The following FSIP2 variants were observed in gnomAD, a reference collection of about 807,000 sequenced individuals.
FSIP2 encodes fibrous sheath interacting protein 2.
A neutral mutation model predicts 510.5 loss-of-function variants in FSIP2; 367 were observed. That is an observed-to-expected ratio of 0.72 (90% CI 0.66 to 0.78). The LOEUF is 0.78. Ranked by LOEUF, FSIP2 falls within the 30% of genes least tolerant of loss-of-function variation. The pLI, the probability that FSIP2 is intolerant of heterozygous loss-of-function variation, is 0.00. For missense variants in FSIP2, 7,594 were observed against 7,901.7 expected (o/e 0.96, Z 1.48); for synonymous variants, 2,601 against 2,732.2 (o/e 0.95, Z 1.50).
In FSIP2 at chr2:185,806,331, A is replaced by G. The variant is rs750301521; in HGVS notation, c.17025A>G (p.Glu5675=). 1 of 1,609,962 alleles carries G rather than the reference A, an allele frequency of 6.2e-7. No homozygotes were observed. The highest frequency in any genetic ancestry group is 2.2e-5 in the East Asian group (1 of 44,682). Residue 5675 remains glutamate, a synonymous_variant, in exon 17 of 23, where the codon GAA becomes GAG. Coordinates refer to ENST00000424728, the MANE Select transcript of FSIP2 (RefSeq NM_173651.4). The stretch of plus-strand genomic sequence containing the variant: ...ATGAGGAACACCACTCAGATTATGA[A>G]CATGTTCAAAATGTCATTGAAAATA... ...CRDEEHHSDY[E]HVQNVIENIF...
chr2:185,794,122 C>T lies in FSIP2; in HGVS notation c.6986C>T (p.Thr2329Ile), dbSNP rs902476045. The T allele has an allele frequency of 5.2e-6, 8 of 1,532,108 alleles. No homozygotes were observed. The Admixed American group carries it at 9.9e-5, about 19-fold the overall frequency. The allele number at this position is 1,532,108 out of a possible 1,614,324, so 94.9% of individuals were successfully genotyped here. A position where few individuals can be genotyped will look rare whatever the true frequency, so the allele number is the denominator to read the frequency against. Reference protein sequence around the residue: ...TILSQELTDFTFVGRREKLGS... With the variant: ...TILSQELTDFIFVGRREKLGS... ...CTCAGCCAAGAGCTTACAGATTTCA[C>T]TTTTGTTGGTCGCAGAGAAAAACTT... is the stretch of plus-strand genomic sequence containing the variant. Residue 2329 changes from threonine (T) to isoleucine (I), a missense_variant, in exon 16 of 23, where the codon ACT becomes ATT. By Grantham distance (89) the Thr-to-Ile change is moderately conservative. Coordinates refer to ENST00000424728, the MANE Select transcript of FSIP2 (RefSeq NM_173651.4).
At position 185,793,468 on chromosome 2, in the gene FSIP2, T is replaced by G. The variant is rs1488535265; in HGVS notation, c.6332T>G (p.Leu2111Arg). Residue 2111 changes from leucine (L) to arginine (R), a missense_variant, in exon 16 of 23, where the codon CTC becomes CGC. Leu to Arg is a moderately radical substitution (Grantham distance 102). Coordinates refer to ENST00000424728, the MANE Select transcript of FSIP2 (RefSeq NM_173651.4). ...IYEKTLFQNN[L>R]SFATPTLKCS... ...GAAAAAACCCTGTTTCAGAATAATC[T>G]CTCATTTGCCACACCCACTCTGAAA... 2 of 1,534,440 alleles carry G rather than the reference T, an allele frequency of 1.3e-6. No homozygotes were observed. Among genetic ancestry groups the G allele is most frequent in the South Asian group, 1.2e-5 (1 of 84,026 alleles).
rs373794713 is a variant in FSIP2 at position 185,776,801 on chromosome 2, C to T, written c.1412-5904C>T. On this transcript the variant is annotated intron_variant, in intron 13 of 22. Transcript: ENST00000424728. ...CAGGCTGGAGTTGCAATGGTGTGAT[C>T]TCGGCTCACTGCAACTTCCGCCTCC... Among the ~76,000 whole-genome samples, 23 of 151,552 alleles carry T rather than the reference C, an allele frequency of 1.5e-4. No individual in the cohort carries two copies. The East Asian group carries it at 2.1e-3, about 14-fold the overall frequency.
chr2:185,818,786 A>G (rs185163011), intron 19 of FSIP2, among the ~76,000 whole-genome samples: 2 of 152,060 alleles, frequency 1.3e-5, no homozygotes, highest in East Asian at 1.9e-4. Flanking sequence ...GAGGGAGTTC[A>G]TTAACACTAG....
Position 185,803,405 on chromosome 2 carries a change from T to C in FSIP2, c.14099T>C (p.Met4700Thr), listed in dbSNP as rs762358934. Residue 4700 changes from methionine to threonine, a missense_variant, in exon 17 of 23, where the codon ATG becomes ACG. Physicochemically the swap from Met to Thr is moderately conservative, Grantham distance 81. Transcript: ENST00000424728. ...ERDVVKTIVD[M>T]VYSKVLQEYE... is the part of the protein sequence containing the mutation. ...GATGTAGTCAAAACAATTGTTGACA[T>C]GGTGTACAGCAAAGTTTTGCAAGAA... The C allele has an allele frequency of 3.3e-6, 5 of 1,533,012 alleles. No homozygotes were observed. In the African/African-American group the frequency reaches 5.5e-5, roughly 17 times the overall value. 95.0% of individuals were successfully genotyped at this position (1,533,012 alleles called of 1,614,324 possible).
chr2:185,800,743 T>C lies in FSIP2; in HGVS notation c.11437T>C (p.Cys3813Arg). ...TCGTAAGGGAGGAATGGACTGTGAA[T>C]GCCTTCAAGTAGATTACATGTCAGA... is the stretch of plus-strand genomic sequence containing the variant. Reference protein sequence around the residue: ...DYRKGGMDCECLQVDYMSDLL... With the variant: ...DYRKGGMDCERLQVDYMSDLL... The change falls in exon 17 of 23, where the codon TGC becomes CGC. Residue 3813 changes from cysteine (C) to arginine (R), a missense_variant. Transcript: ENST00000424728. 2.0e-6 allele frequency: 3 copies of C among 1,533,722 alleles called. No homozygotes were observed. The highest frequency in any genetic ancestry group is 2.6e-6 in the Non-Finnish European group (3 of 1,145,356).
chr2:185,793,193 T>A lies in FSIP2; in HGVS notation c.6057T>A (p.Asp2019Glu), dbSNP rs1457681905. The change falls in exon 16 of 23, where the codon GAT (aspartate) becomes GAA (glutamate). Residue 2019 changes from aspartate to glutamate, a missense_variant. Transcript: ENST00000424728. ...TACAAGGAATCAAACAGGAATTAGA[T>A]AAAGAAAGGGAAAATCCTTTTTTAA... ...RNLQGIKQEL[D>E]KERENPFLTH... 1.3e-6 allele frequency: 2 copies of A among 1,533,922 alleles called. No homozygotes were observed. Among genetic ancestry groups the A allele is most frequent in the Admixed American group, 3.9e-5 (2 of 50,772 alleles).
At chr2:185,829,130 AC>A (rs1694066189) in intron 21 of FSIP2, among the ~76,000 whole-genome samples, 1 of 151,780 alleles carries the variant, frequency 6.6e-6, no homozygotes. Flanking sequence ...TAATCTAAGA[AC>A]CTATTGACAC....
chr2:185,816,211 T>C (rs980129015), intron 19 of FSIP2, among the ~76,000 whole-genome samples: 1 of 142,400 alleles, frequency 7.0e-6, no homozygotes, highest in Admixed American at 7.0e-5. Context: ...TTTTTTTTTT[T>C]TCATTCAGCA....
chr2:185,761,142 T>A, intron 10 of FSIP2, 39 bp downstream of exon 10: 1 of 791,954 alleles, frequency 1.3e-6, no homozygotes, highest in Admixed American at 2.8e-5. Context: ...TTGTATTTAT[T>A]AATTTATCTA....
intron 11 of FSIP2, among the ~76,000 whole-genome samples, chr2:185,762,220 T>C (rs1337594317): frequency 2.0e-5 from 3 of 151,146 alleles, no homozygotes; most frequent in Non-Finnish European, 4.5e-5. Context: ...CTTTTGGAAT[T>C]TGCAAAGTGT....
chr2:185,800,510 C>G lies in FSIP2; in HGVS notation c.11204C>G (p.Pro3735Arg), dbSNP rs1297859487. The G allele has an allele frequency of 6.5e-7, 1 of 1,532,892 alleles. No individual in the cohort carries two copies. 95.0% of individuals were successfully genotyped at this position (1,532,892 alleles called of 1,614,324 possible). Residue 3735 changes from proline to arginine, a missense_variant, in exon 17 of 23, where the codon CCT (proline) becomes CGT (arginine). Physicochemically the swap from Pro to Arg is moderately radical, Grantham distance 103 (BLOSUM62 -2). Transcript: ENST00000424728. ...TYFYSSNNEQ[P>R]NSILTNNLQL... ...TTCTACTCCTCGAATAATGAGCAACCTAATAGCATACTTACCAATAACCTA... is the reference window on the plus strand; with the variant it reads ...TTCTACTCCTCGAATAATGAGCAACGTAATAGCATACTTACCAATAACCTA...
At chr2:185,833,060 T>C (rs750724434) in intron 22 of FSIP2, 30 bp from the exon 23 acceptor site, 80 of 1,604,482 alleles carry the variant, frequency 5.0e-5, no homozygotes, top group Middle Eastern at 1.7e-4. Context: ...AAAATAAAGA[T>C]ATCATTCTTC....
chr2:185,804,664 GAT>G lies in FSIP2; in HGVS notation c.15361_15362del (p.Met5121GlyfsTer15). On this transcript the variant is annotated frameshift_variant, in exon 17 of 23. Transcript: ENST00000424728. LOFTEE classifies it high-confidence loss of function. The part of the protein sequence containing the change: ...ITVLPHSLLE[D>X]MVYRLLGHVF... The stretch of plus-strand genomic sequence containing the variant: ...TGTGTTGCCTCATTCTCTTTTAGAA[GAT>G]ATGGTTTACAGGCTTCTAGGGCATG... 6.5e-7 allele frequency: 1 copy of G among 1,532,932 alleles called. No individual in the cohort carries two copies. 95.0% of individuals were successfully genotyped at this position (1,532,932 alleles called of 1,614,324 possible).
At chr2:185,765,935 G>T (rs1471520114) in intron 13 of FSIP2, 3 of 149,346 alleles carry the variant, frequency 2.0e-5, no homozygotes, top group Non-Finnish European at 3.0e-5. Flanking sequence ...TCATGATTTG[G>T]CTCTCTGTTT....
At chr2:185,739,532 A>T (rs1691879958) in intron 2 of FSIP2, 61 bp downstream of exon 2, 4 of 1,343,076 alleles carry the variant, frequency 3.0e-6, no homozygotes, top group Non-Finnish European at 3.9e-6. Context: ...TTTAACTCAA[A>T]GGCTGCATCA....
rs1234768281 is a variant in FSIP2 at position 185,800,065 on chromosome 2, A to C, written c.10759A>C (p.Thr3587Pro). The C allele has an allele frequency of 6.5e-7, 1 of 1,532,280 alleles. No individual in the cohort carries two copies. The highest frequency in any genetic ancestry group is 8.7e-7 in the Non-Finnish European group (1 of 1,144,210). 94.9% of individuals were successfully genotyped at this position (1,532,280 alleles called of 1,614,324 possible). A position where few individuals can be genotyped will look rare whatever the true frequency, so the allele number is the denominator to read the frequency against. Reference sequence around the variant, plus strand: ...TGCACAGAAAATGGTTGCCATACCTACAAAATACACTTACTGTCCAGGAAT... The same window carrying C: ...TGCACAGAAAATGGTTGCCATACCTCCAAAATACACTTACTGTCCAGGAAT... ...DIAQKMVAIP[T>P]KYTYCPGIVS... Residue 3587 changes from threonine to proline, a missense_variant, in exon 17 of 23, where the codon ACA (threonine) becomes CCA (proline). Thr to Pro is a conservative substitution (Grantham distance 38). Coordinates refer to ENST00000424728, the MANE Select transcript of FSIP2 (RefSeq NM_173651.4).
In FSIP2 at chr2:185,800,356, G is replaced by A. The variant is rs1424660521; in HGVS notation, c.11050G>A (p.Val3684Ile). 5 of 1,529,156 alleles carry A rather than the reference G, an allele frequency of 3.3e-6. No homozygotes were observed. The highest frequency in any genetic ancestry group is 2.0e-5 in the Admixed American group (1 of 49,756). 94.7% of individuals were successfully genotyped at this position (1,529,156 alleles called of 1,614,324 possible). ...SYLACKLNSL[V>I]GNLKTSESKE... is the part of the protein sequence containing the mutation. The stretch of plus-strand genomic sequence containing the variant: ...TCTTGCATGTAAGTTAAACAGCCTG[G>A]TTGGTAACCTAAAAACAAGTGAATC... The change falls in exon 17 of 23, where the codon GTT becomes ATT. Residue 3684 changes from valine to isoleucine, a missense_variant. Physicochemically the swap from Val to Ile is conservative, Grantham distance 29. Coordinates refer to ENST00000424728, the MANE Select transcript of FSIP2 (RefSeq NM_173651.4).
At chr2:185,760,138 G>T (rs1692321841) in intron 9 of FSIP2, among the ~76,000 whole-genome samples, 1 of 148,752 alleles carries the variant, frequency 6.7e-6, no homozygotes. Context: ...ATTTGTTTTT[G>T]GCTTATTACT....
Sources: gnomAD v4.1 joint callset for allele counts (sites outside exome capture counted in the v4.1 genomes callset) on GRCh38, gnomAD v4.1.1 for gene constraint, MANE v1.5 for transcripts, NCBI Gene and HGNC (gene_info 2026-07-23, HGNC 2026-07-21) for gene names.